Variants in KIF13A observed in about 807,000 individuals in gnomAD.
KIF13A encodes the protein kinesin-like protein KIF13A.
A neutral mutation model predicts 212.2 loss-of-function variants in KIF13A; 79 were observed. That is an observed-to-expected ratio of 0.37 (90% confidence interval 0.31 to 0.45). The LOEUF (loss-of-function observed/expected upper bound fraction) is 0.45. KIF13A is among the 20% of genes least tolerant of loss of function. KIF13A has a pLI of 1.00. For missense variants in KIF13A, 1,901 were observed against 2,209.0 expected (o/e 0.86, Z 2.79); for synonymous variants, 789 against 808.6 (o/e 0.98, Z 0.41).
Position 17,816,914 on chromosome 6 carries a change from G to A in KIF13A, c.2000+106C>T. The stretch of plus-strand genomic sequence containing the variant: ...GGCAATATCACGTATGGGATTAAGA[G>A]TTCTCTTGTTGCTAGGTTTGTCCCT... On this transcript the variant is annotated intron_variant, in intron 17 of 38. Transcript: ENST00000259711. This position sits in a 1 kb window ranked among gnomAD's most constrained non-coding sequence, Gnocchi z 4.3. 1.2e-6 allele frequency: 1 copy of A among 801,282 alleles called. No individual in the cohort carries two copies. The highest frequency in any genetic ancestry group is 1.9e-6 in the Non-Finnish European group (1 of 513,078). The allele number at this position is 801,282 out of a possible 1,614,324, so 49.6% of individuals were successfully genotyped here.
At chr6:17,905,584 A>C (rs1317361472) in intron 2 of KIF13A, among the ~76,000 whole-genome samples, 1 of 152,246 alleles carries the variant, frequency 6.6e-6, no homozygotes, top group Non-Finnish European at 1.5e-5. Context: ...AAAACAATAT[A>C]AAGTGCACAG....
chr6:17,764,995 A>G lies in KIF13A; in HGVS notation c.4582-49T>C. 1.5e-6 allele frequency: 2 copies of G among 1,376,982 alleles called. No homozygotes were observed. The highest frequency in any genetic ancestry group is 1.4e-5 in the South Asian group (1 of 70,684). 85.3% of individuals were successfully genotyped at this position (1,376,982 alleles called of 1,614,324 possible). On this transcript the variant is annotated intron_variant, in intron 38 of 38. Transcript: ENST00000259711. This position sits in a 1 kb window ranked among gnomAD's most constrained non-coding sequence, Gnocchi z 5.1. ...GTCATTAGCTCCTTGTAGCAACTGT[A>G]CTGTTGAGACAAGTTTTAAATACTT... is the stretch of plus-strand genomic sequence containing the variant.
intron 13 of KIF13A, among the ~76,000 whole-genome samples, chr6:17,830,646 TAGA>T (rs760337462): frequency 6.6e-6 from 1 of 152,242 alleles, no homozygotes; most frequent in Admixed American, 6.5e-5. Flanking sequence ...GGGATAGACC[TAGA>T]AGAACATTGT....
At chr6:17,797,780 C>A (rs1357840085) in intron 22 of KIF13A, among the ~76,000 whole-genome samples, 1 of 152,104 alleles carries the variant, frequency 6.6e-6, no homozygotes, top group Non-Finnish European at 1.5e-5. Flanking sequence ...CACCTGTAGT[C>A]CCAGCTACTC....
At chr6:17,882,963 A>G (rs1771214316) in intron 3 of KIF13A, among the ~76,000 whole-genome samples, 1 of 152,200 alleles carries the variant, frequency 6.6e-6, no homozygotes, top group Non-Finnish European at 1.5e-5. Context: ...ACATCTATTT[A>G]TATACAATTC....
chr6:17,902,429 G>C (rs534184358), intron 2 of KIF13A, among the ~76,000 whole-genome samples: 2 of 152,280 alleles, frequency 1.3e-5, no homozygotes, highest in South Asian at 2.1e-4. Context: ...AAAATAAGGA[G>C]AGACAGTTCT....
At position 17,919,837 on chromosome 6, in the gene KIF13A, G is replaced by A. The variant is rs1420589320; in HGVS notation, c.147-21657C>T. 1.3e-5 allele frequency among the ~76,000 whole-genome samples: 2 copies of A among 152,186 alleles called. No individual in the cohort carries two copies. The highest frequency in any genetic ancestry group is 2.9e-5 in the Non-Finnish European group (2 of 68,034). ...TCATGATGACATCCAGCAGCCTCTGGCTCTGCTACGACAGTGAAGAAATAC... is the reference window on the plus strand; with the variant it reads ...TCATGATGACATCCAGCAGCCTCTGACTCTGCTACGACAGTGAAGAAATAC... On this transcript the variant is annotated intron_variant, in intron 2 of 38. Transcript: ENST00000259711. This position sits in a 1 kb window ranked among gnomAD's most constrained non-coding sequence, Gnocchi z 4.1.
chr6:17,871,124 C>T lies in KIF13A; in HGVS notation c.220+2253G>A, dbSNP rs544982511. On this transcript the variant is annotated intron_variant, in intron 4 of 38. Transcript: ENST00000259711. The surrounding 1 kb of genome is among the most constrained non-coding windows in gnomAD (Gnocchi z 4.4). ...CCTTCTAGGCTTCCCTTTGACTAAA[C>T]TCTAAACAACTCATATGTTGACAAG... 6.6e-6 allele frequency among the ~76,000 whole-genome samples: 1 copy of T among 152,286 alleles called. No individual in the cohort carries two copies. Among genetic ancestry groups the T allele is most frequent in the Non-Finnish European group, 1.5e-5 (1 of 68,024 alleles).
chr6:17,960,215 T>C (rs1778695893), intron 2 of KIF13A, among the ~76,000 whole-genome samples: 1 of 151,978 alleles, frequency 6.6e-6, no homozygotes, highest in Admixed American at 6.6e-5. Context: ...AGGTTATGAG[T>C]CAAAGGGAAA....
rs970662784 is a variant in KIF13A, at chr6:17,893,649, G to A, written c.159+4519C>T. ...TATAAGTGGTTAGATCAATATCCTC[G>A]CCTTATTCCCCATTTTAGGCAGAAA... is the stretch of plus-strand genomic sequence containing the variant. On this transcript the variant is annotated intron_variant, in intron 3 of 38. Coordinates refer to ENST00000259711, the MANE Select transcript of KIF13A (RefSeq NM_022113.6). Among the ~76,000 whole-genome samples, 13 of 151,942 alleles carry A rather than the reference G, an allele frequency of 8.6e-5. No homozygotes were observed. The East Asian group carries it at 1.7e-3, about 20-fold the overall frequency.
In KIF13A at chr6:17,787,691, G is replaced by T. The variant is rs1761177129; in HGVS notation, c.3361+85C>A. ...ACAACAACAAAAATAAGATACTACT[G>T]TCCAGTTAGGGGAAGAAAACGACCT... On this transcript the variant is annotated intron_variant, in intron 27 of 38. Transcript: ENST00000259711. This position sits in a 1 kb window ranked among gnomAD's most constrained non-coding sequence, Gnocchi z 4.6. The T allele has an allele frequency of 1.3e-6, 1 of 781,052 alleles. No homozygotes were observed. Among genetic ancestry groups the T allele is most frequent in the Non-Finnish European group, 2.3e-6 (1 of 437,328 alleles). 48.4% of individuals were successfully genotyped at this position (781,052 alleles called of 1,614,324 possible).
Position 17,895,074 on chromosome 6 carries a change from G to A in KIF13A, c.159+3094C>T, listed in dbSNP as rs189766051. Among the ~76,000 whole-genome samples, 7 of 152,222 alleles carry A rather than the reference G, an allele frequency of 4.6e-5. No homozygotes were observed. The highest frequency in any genetic ancestry group is 8.8e-5 in the Non-Finnish European group (6 of 67,994). On this transcript the variant is annotated intron_variant, in intron 3 of 38. Transcript: ENST00000259711. This position sits in a 1 kb window ranked among gnomAD's most constrained non-coding sequence, Gnocchi z 4.4. ...ACCCTTGCACTAAATTCTTAATTTC[G>A]GTTTTGGGTTTTTCAGATTGAGGAT... is the stretch of plus-strand genomic sequence containing the variant.
intron 2 of KIF13A, among the ~76,000 whole-genome samples, chr6:17,986,641 C>A (rs183957947): frequency 1.3e-5 from 2 of 152,256 alleles, no homozygotes; most frequent in African/African-American, 4.8e-5. Context: ...AGGAAACAAA[C>A]CCTGCAGTGA....
At chr6:17,801,195 A>C (rs1201987924) in intron 20 of KIF13A, among the ~76,000 whole-genome samples, 1 of 151,840 alleles carries the variant, frequency 6.6e-6, no homozygotes, top group Non-Finnish European at 1.5e-5. Flanking sequence ...AAGACAGAGA[A>C]GTAACTCACT....
At chr6:17,800,967 T>C (rs1762426610) in intron 20 of KIF13A, among the ~76,000 whole-genome samples, 1 of 151,420 alleles carries the variant, frequency 6.6e-6, no homozygotes, top group Admixed American at 6.6e-5. Flanking sequence ...CTCCTGACCT[T>C]GTGATCTGCC....
rs1772460683 is a variant in KIF13A, at chr6:17,895,310, T to C, written c.159+2858A>G. ...TGTTGGCTCTTGTTCATGTCACATC[T>C]TGTCATGTACCTCCTTAACTTTGAT... On this transcript the variant is annotated intron_variant, in intron 3 of 38. Transcript: ENST00000259711. The surrounding 1 kb of genome is among the most constrained non-coding windows in gnomAD (Gnocchi z 4.4). Among the ~76,000 whole-genome samples, 1 of 152,242 alleles carries C rather than the reference T, an allele frequency of 6.6e-6. No individual in the cohort carries two copies. The highest frequency in any genetic ancestry group is 2.4e-5 in the African/African-American group (1 of 41,466).
In KIF13A at chr6:17,789,310, A is replaced by C. The variant is rs1469974469; in HGVS notation, c.3261+562T>G. Among the ~76,000 whole-genome samples, 1 of 152,208 alleles carries C rather than the reference A, an allele frequency of 6.6e-6. No homozygotes were observed. The highest frequency in any genetic ancestry group is 1.9e-4 in the East Asian group (1 of 5,202). ...AGAACTAAGTGTGACCCAAATGAGA[A>C]AAGAAAGCTGGCTAAACAAAACACA... is the stretch of plus-strand genomic sequence containing the variant. On this transcript the variant is annotated intron_variant, in intron 26 of 38. Coordinates refer to ENST00000259711, the MANE Select transcript of KIF13A (RefSeq NM_022113.6). This position sits in a 1 kb window ranked among gnomAD's most constrained non-coding sequence, Gnocchi z 4.8.
chr6:17,917,930 C>T (rs987073177), intron 2 of KIF13A, among the ~76,000 whole-genome samples: 1 of 152,132 alleles, frequency 6.6e-6, no homozygotes, highest in African/African-American at 2.4e-5. Context: ...CTTCAAGCTA[C>T]TGCCCCCTCT....
chr6:17,862,581 T>C (rs938467365), intron 4 of KIF13A, among the ~76,000 whole-genome samples: 36 of 152,060 alleles, frequency 2.4e-4, no homozygotes, highest in South Asian at 2.1e-4. Flanking sequence ...GGTGGGAGGA[T>C]CTCTTGAGGG....
Sources: gnomAD v4.1 joint callset for allele counts (sites outside exome capture counted in the v4.1 genomes callset) on GRCh38, gnomAD v4.1.1 for gene constraint, Gnocchi (gnomAD v3.1) non-coding constraint, MANE v1.5 for transcripts, NCBI Gene and HGNC (gene_info 2026-07-23, HGNC 2026-07-21) for gene names.